The following TBC1D24 variants were observed in gnomAD, a reference collection of about 807,000 sequenced individuals.
TBC1D24 encodes TBC1 domain family member 24.
A neutral mutation model predicts 50.7 loss-of-function variants in TBC1D24; 47 were observed. The observed-to-expected ratio is 0.93, with a 90% CI of 0.73 to 1.18. TBC1D24 has a LOEUF of 1.18. Ranked by LOEUF, TBC1D24 falls within the 50% of genes most tolerant of loss-of-function variation. TBC1D24 has a pLI of 0.00. For missense variants in TBC1D24, 688 were observed against 766.5 expected, an observed-to-expected ratio of 0.90 and a Z score of 1.21; for synonymous variants, 324 against 335.2, an observed-to-expected ratio of 0.97 and a Z score of 0.36.
Position 2,499,862 on chromosome 16 carries a change from T to C in TBC1D24, c.1234T>C (p.Trp412Arg). The C allele has an allele frequency of 6.2e-7, 1 of 1,614,050 alleles. No homozygotes were observed. The highest frequency in any genetic ancestry group is 2.2e-5 in the East Asian group (1 of 44,864). Residue 412 changes from tryptophan (W) to arginine (R), a missense_variant, in exon 6 of 8, where the codon TGG (tryptophan) becomes CGG (arginine). Transcript: ENST00000646147. The surrounding 1 kb of genome is among the most constrained non-coding windows in gnomAD (Gnocchi z 4.0). Reference sequence around the variant, plus strand: ...GTGTGGTGCTTACCTGTCCACAGACTGGAGTGAGAGAAATAAGTTTGGAGG... The same window carrying C: ...GTGTGGTGCTTACCTGTCCACAGACCGGAGTGAGAGAAATAAGTTTGGAGG... ...EVCGAYLSTD[W>R]SERNKFGGKL...
Position 2,496,841 on chromosome 16 carries a change from C to G in TBC1D24, c.693C>G (p.Val231=), listed in dbSNP as rs1000643337. ...PLCYFARVFD[V]FLVEGYKVLY... is the part of the protein sequence containing the mutation. ...GCTACTTCGCCCGGGTCTTTGACGT[C>G]TTCCTGGTGGAGGGCTACAAGGTGC... Residue 231 remains valine, a synonymous_variant, in exon 2 of 8, where the codon GTC becomes GTG. Coordinates refer to ENST00000646147, the MANE Select transcript of TBC1D24 (RefSeq NM_001199107.2). 6.2e-7 allele frequency: 1 copy of G among 1,614,152 alleles called. No homozygotes were observed. The highest frequency in any genetic ancestry group is 8.5e-7 in the Non-Finnish European group (1 of 1,180,040).
intron 2 of TBC1D24, 119 bp from the exon 3 acceptor site, chr16:2,497,591 G>A (rs567245290): frequency 1.9e-5 from 19 of 1,005,262 alleles, no homozygotes; most frequent in Admixed American, 1.0e-4. Context: ...GCCTGTTGGC[G>A]TGCAGCCCTC....
chr16:2,497,033 C>G lies in TBC1D24; in HGVS notation c.885C>G (p.Phe295Leu), dbSNP rs72768728. 9.3e-3 allele frequency: 14,966 copies of G among 1,613,604 alleles called. 97 individuals carry two copies. The highest frequency in any genetic ancestry group is 0.012 in the Non-Finnish European group (14,248 of 1,180,038). ...LLEKAFAIRL[F>L]SRKEIQLLQM... ...AGAAAGCGTTCGCCATCCGCCTCTT[C>G]TCCCGCAAGGAGATCCAGCTCCTGC... The change falls in exon 2 of 8, where the codon TTC (phenylalanine) becomes TTG (leucine). Residue 295 changes from phenylalanine (F) to leucine (L), a missense_variant. Coordinates refer to ENST00000646147, the MANE Select transcript of TBC1D24 (RefSeq NM_001199107.2).
At chr16:2,491,303 G>A (rs1005219066) in intron 1 of TBC1D24, among the ~76,000 whole-genome samples, 5 of 152,036 alleles carry the variant, frequency 3.3e-5, no homozygotes, top group South Asian at 2.1e-4. Flanking sequence ...TATCACCAGC[G>A]TAATGAAAGA....
At position 2,496,918 on chromosome 16, in the gene TBC1D24, G is replaced by A. The variant is rs754105595; in HGVS notation, c.770G>A (p.Gly257Glu). 6.2e-7 allele frequency: 1 copy of A among 1,614,060 alleles called. No individual in the cohort carries two copies. Among genetic ancestry groups the A allele is most frequent in the East Asian group, 2.2e-5 (1 of 44,890 alleles). Residue 257 changes from glycine to glutamate, a missense_variant, in exon 2 of 8, where the codon GGG becomes GAG. Gly to Glu is a moderately conservative substitution (Grantham distance 98). Transcript: ENST00000646147. ...AAGTTCTTCCACAAGGTGAGGGCCG[G>A]GCAGCCGCTGGAGTCGGACAGCGTG... ...ILKFFHKVRAGQPLESDSVKQ... is the reference protein window; with the variant it reads ...ILKFFHKVRAEQPLESDSVKQ...
In TBC1D24 at chr16:2,500,306, C is replaced by T. The variant is rs372317366; in HGVS notation, c.1341C>T (p.Ile447=). The T allele has an allele frequency of 3.0e-5, 48 of 1,610,468 alleles. No individual in the cohort carries two copies. The highest frequency in any genetic ancestry group is 1.1e-5 in the South Asian group (1 of 90,418). The change falls in exon 7 of 8, where the codon ATC becomes ATT. Residue 447 remains isoleucine, a synonymous_variant. Coordinates refer to ENST00000646147, the MANE Select transcript of TBC1D24 (RefSeq NM_001199107.2). This position sits in a 1 kb window ranked among gnomAD's most constrained non-coding sequence, Gnocchi z 8.0. ...TGCAGCGCTACGAGTGGGTGGTGAT[C>T]AAGCACCCCGAGCTGACCAAGCCCC... ...PEVQRYEWVV[I]KHPELTKPPP... is the part of the protein sequence containing the mutation.
chr16:2,493,430 C>T (rs2065712694), intron 1 of TBC1D24, among the ~76,000 whole-genome samples: 2 of 152,278 alleles, frequency 1.3e-5, no homozygotes, highest in African/African-American at 2.4e-5. Context: ...TGAGCCACCG[C>T]GTCCGGCCTA....
chr16:2,496,180 A>G lies in TBC1D24; in HGVS notation c.32A>G (p.Asp11Gly). Residue 11 changes from aspartate to glycine, a missense_variant, in exon 2 of 8, where the codon GAC (aspartate) becomes GGC (glycine). Coordinates refer to ENST00000646147, the MANE Select transcript of TBC1D24 (RefSeq NM_001199107.2). ...TCTCCAGGATACAACTGCTTCGTGG[A>G]CAAAGACAAGATGGACGCTGCCATC... MDSPGYNCFV[D>G]KDKMDAAIQD... 3 of 1,613,942 alleles carry G rather than the reference A, an allele frequency of 1.9e-6. No individual in the cohort carries two copies. The highest frequency in any genetic ancestry group is 2.5e-6 in the Non-Finnish European group (3 of 1,180,008).
In TBC1D24 at chr16:2,475,375, G is replaced by T. The variant is rs1304504074; in HGVS notation, c.-116+205G>T. Among the ~76,000 whole-genome samples, 1 of 151,718 alleles carries T rather than the reference G, an allele frequency of 6.6e-6. No homozygotes were observed. Among genetic ancestry groups the T allele is most frequent in the Non-Finnish European group, 1.5e-5 (1 of 67,836 alleles). Reference sequence around the variant, plus strand: ...CGCCCGGCGCTGCAGCTGCGGCTTGGCCTACGGGAGGGGGCGCAGGAGCGG... The same window carrying T: ...CGCCCGGCGCTGCAGCTGCGGCTTGTCCTACGGGAGGGGGCGCAGGAGCGG... On this transcript the variant is annotated intron_variant, in intron 1 of 7. Coordinates refer to ENST00000646147, the MANE Select transcript of TBC1D24 (RefSeq NM_001199107.2). The surrounding 1 kb of genome is among the most constrained non-coding windows in gnomAD (Gnocchi z 4.2).
At position 2,487,813 on chromosome 16, in the gene TBC1D24, G is replaced by T. The variant is rs531031570; in HGVS notation, c.-115-8221G>T. Among the ~76,000 whole-genome samples the T allele has an allele frequency of 3.3e-5, 5 of 152,132 alleles. No individual in the cohort carries two copies. Among genetic ancestry groups the T allele is most frequent in the Non-Finnish European group, 7.4e-5 (5 of 68,006 alleles). On this transcript the variant is annotated intron_variant, in intron 1 of 7. Coordinates refer to ENST00000646147, the MANE Select transcript of TBC1D24 (RefSeq NM_001199107.2). This position sits in a 1 kb window ranked among gnomAD's most constrained non-coding sequence, Gnocchi z 4.1. ...TGGGAGGGCCCTGGTACTAGAAGTG[G>T]CCGAGTGCCCTGAAGTCCCAGACCT...
chr16:2,489,716 C>G (rs994496067), intron 1 of TBC1D24, among the ~76,000 whole-genome samples: 1 of 152,192 alleles, frequency 6.6e-6, no homozygotes, highest in South Asian at 2.1e-4. Context: ...TGCGTGTTGA[C>G]CCGCTGGGAC....
Position 2,499,450 on chromosome 16 carries a change from C to G in TBC1D24, c.1206+30C>G, listed in dbSNP as rs770281376. The G allele has an allele frequency of 1.6e-5, 25 of 1,585,808 alleles. No individual in the cohort carries two copies. The East Asian group carries it at 5.6e-4, about 36-fold the overall frequency. ...GCAGGGGCCCTGGAGCCAGGGCTGG[C>G]TCTGATGGGCTCCAGGGCTGGCTCT... On this transcript the variant is annotated intron_variant, in intron 5 of 7. Transcript: ENST00000646147. This position sits in a 1 kb window ranked among gnomAD's most constrained non-coding sequence, Gnocchi z 4.0.
At chr16:2,480,669 T>A (rs1183724454) in intron 1 of TBC1D24, 1 of 152,206 alleles carries the variant, frequency 6.6e-6, no homozygotes, top group East Asian at 1.9e-4. Context: ...AGCCTTTCCT[T>A]GAATCATTTC....
rs766709754 is a variant in TBC1D24, at chr16:2,500,399, C to T, written c.1434C>T (p.Arg478=). The T allele has an allele frequency of 1.2e-6, 2 of 1,604,388 alleles. No individual in the cohort carries two copies. The highest frequency in any genetic ancestry group is 1.1e-5 in the South Asian group (1 of 89,200). ...CCGCCTCCTCAGACCCCGCTGACCG[C>T]CTCTCGCCCTTCCTGGCCGCTCGCC... ...SHSASSDPAD[R]LSPFLAARHF... The change falls in exon 7 of 8, where the codon CGC becomes CGT. Residue 478 remains arginine, a synonymous_variant. Coordinates refer to ENST00000646147, the MANE Select transcript of TBC1D24 (RefSeq NM_001199107.2). The surrounding 1 kb of genome is among the most constrained non-coding windows in gnomAD (Gnocchi z 8.0).
chr16:2,489,822 G>A (rs551062912), intron 1 of TBC1D24, among the ~76,000 whole-genome samples: 4 of 152,346 alleles, frequency 2.6e-5, no homozygotes, highest in African/African-American at 7.2e-5. Context: ...GGTCCTGGCC[G>A]GCCGGGCTGG....
chr16:2,496,556 C>G lies in TBC1D24; in HGVS notation c.408C>G (p.Ala136=). The change falls in exon 2 of 8, where the codon GCC becomes GCG. Residue 136 remains alanine, a synonymous_variant. Transcript: ENST00000646147. ...TCTCCTTCTGCCCCGCCCTGCCGGC[C>G]GTGGTGGCCCTGCTGCTGCACTACA... ...PDISFCPALP[A]VVALLLHYSI... The G allele has an allele frequency of 6.2e-7, 1 of 1,608,710 alleles. No homozygotes were observed. The highest frequency in any genetic ancestry group is 8.5e-7 in the Non-Finnish European group (1 of 1,179,990).
rs185306118 is a variant in TBC1D24 at position 2,482,615 on chromosome 16, C to T, written c.-116+7445C>T. On this transcript the variant is annotated intron_variant, in intron 1 of 7. Transcript: ENST00000646147. The surrounding 1 kb of genome is among the most constrained non-coding windows in gnomAD (Gnocchi z 5.2). ...CCAGGAGAGGGTTTCGGGTGGAGAA[C>T]GGTGACCGGGTGAAGCCCTGAGTGG... Among the ~76,000 whole-genome samples, 164 of 152,214 alleles carry T rather than the reference C, an allele frequency of 1.1e-3. 1 individual carries two copies. The highest frequency in any genetic ancestry group is 3.4e-3 in the African/African-American group (143 of 41,522).
At position 2,499,567 on chromosome 16, in the gene TBC1D24, G is replaced by T. The variant is rs889764129; in HGVS notation, c.1206+147G>T. On this transcript the variant is annotated intron_variant, in intron 5 of 7. Transcript: ENST00000646147. This position sits in a 1 kb window ranked among gnomAD's most constrained non-coding sequence, Gnocchi z 4.0. ...GAGCGTGGGTATGGCCAGCACATGG[G>T]GCTCATCCCACACTCAGGGCCACAA... 6.3e-6 allele frequency: 5 copies of T among 789,884 alleles called. No individual in the cohort carries two copies. Among genetic ancestry groups the T allele is most frequent in the Non-Finnish European group, 2.2e-6 (1 of 464,298 alleles). 48.9% of individuals were successfully genotyped at this position (789,884 alleles called of 1,614,324 possible).
intron 1 of TBC1D24, among the ~76,000 whole-genome samples, chr16:2,488,032 T>C (rs1453858950): frequency 6.6e-6 from 1 of 152,210 alleles, no homozygotes; most frequent in Non-Finnish European, 1.5e-5. Context: ...TCCTGCCCCG[T>C]TCTCCAGTGA....
Sources: gnomAD v4.1 joint callset for allele counts (sites outside exome capture counted in the v4.1 genomes callset) on GRCh38, gnomAD v4.1.1 for gene constraint, Gnocchi (gnomAD v3.1) non-coding constraint, MANE v1.5 for transcripts, NCBI Gene and HGNC (gene_info 2026-07-23, HGNC 2026-07-21) for gene names.